The following MARCHF1 variants were observed in gnomAD, a reference collection of about 807,000 sequenced individuals.
MARCHF1 encodes the protein membrane associated ring-CH-type finger 1, also known as E3 ubiquitin-protein ligase MARCHF1.
A neutral mutation model predicts 54.2 loss-of-function variants in MARCHF1; 40 were observed. The ratio of observed to expected loss-of-function variants is 0.74; its 90% CI spans 0.57 to 0.96. The LOEUF (loss-of-function observed/expected upper bound fraction) is 0.96, where lower values mean the gene tolerates loss of function less well. Among genes scored for constraint, MARCHF1 ranks in the 40% least tolerant of loss-of-function variants. The pLI, the probability that MARCHF1 is intolerant of heterozygous loss-of-function variation, is 0.00. For missense variants in MARCHF1, 586 were observed against 656.5 expected, an observed-to-expected ratio of 0.89 and a Z score of 1.17; for synonymous variants, 236 against 236.3, an observed-to-expected ratio of 1.00 and a Z score of 0.01.
At chr4:163,761,931 GTC>G (rs1429763288) in intron 4 of MARCHF1, among the ~76,000 whole-genome samples, 1 of 152,082 alleles carries the variant, frequency 6.6e-6, no homozygotes, top group Admixed American at 6.5e-5. Context: ...AAGCCTTTAT[GTC>G]TCTCATTTAT....
At chr4:163,664,924 A>C (rs576598669) in intron 5 of MARCHF1, among the ~76,000 whole-genome samples, 1 of 152,176 alleles carries the variant, frequency 6.6e-6, no homozygotes, top group East Asian at 1.9e-4. Flanking sequence ...AGAAAAATTA[A>C]TATAATAAAA....
chr4:163,981,707 A>T (rs969933172), intron 3 of MARCHF1, among the ~76,000 whole-genome samples: 11 of 152,224 alleles, frequency 7.2e-5, no homozygotes, highest in African/African-American at 2.7e-4. Context: ...CCTTTGTGCT[A>T]CAAAGAATTG....
intron 1 of MARCHF1, among the ~76,000 whole-genome samples, chr4:164,369,777 G>GT (rs1561022543): frequency 6.6e-6 from 1 of 152,064 alleles, no homozygotes; most frequent in African/African-American, 2.4e-5. Flanking sequence ...CTTTCAAAAA[G>GT]TAAGTTCTAA....
intron 1 of MARCHF1, among the ~76,000 whole-genome samples, chr4:164,351,309 G>A (rs1249953368): frequency 2.0e-5 from 3 of 151,140 alleles, no homozygotes; most frequent in Non-Finnish European, 3.0e-5. Context: ...TCTGGGGGCA[G>A]GGCACAGTCA....
intron 5 of MARCHF1, among the ~76,000 whole-genome samples, chr4:163,696,208 G>A (rs556622881): frequency 6.6e-5 from 10 of 152,154 alleles, no homozygotes; most frequent in African/African-American, 2.4e-4. Flanking sequence ...AAGTATAATT[G>A]CTGTTGAATA....
At chr4:164,264,169 AATGATATC>A (rs1173695228) in intron 1 of MARCHF1, among the ~76,000 whole-genome samples, 1 of 152,246 alleles carries the variant, frequency 6.6e-6, no homozygotes, top group African/African-American at 2.4e-5. Flanking sequence ...GCCATTAAAA[AATGATATC>A]ATGTCTTTTG....
chr4:163,901,996 AT>A (rs1227187822), intron 3 of MARCHF1, among the ~76,000 whole-genome samples: 4 of 152,208 alleles, frequency 2.6e-5, no homozygotes, highest in Admixed American at 2.6e-4. Flanking sequence ...TAACTGCTGG[AT>A]GAACAAGAAA....
intron 4 of MARCHF1, among the ~76,000 whole-genome samples, chr4:163,716,478 C>A (rs1021050495): frequency 2.6e-5 from 4 of 152,170 alleles, no homozygotes; most frequent in African/African-American, 9.7e-5. Flanking sequence ...TCGACAAATT[C>A]ATTATTCCTA....
intron 2 of MARCHF1, among the ~76,000 whole-genome samples, chr4:164,100,980 T>C (rs998410310): frequency 1.3e-5 from 2 of 152,202 alleles, no homozygotes; most frequent in Non-Finnish European, 2.9e-5. Context: ...TTTCCCTTTC[T>C]GAGTCAAAGA....
chr4:164,214,312 A>C (rs1247273152), intron 1 of MARCHF1, among the ~76,000 whole-genome samples: 2 of 152,198 alleles, frequency 1.3e-5, no homozygotes, highest in African/African-American at 4.8e-5. Context: ...TTTGTTATAT[A>C]AATTCCTAAC....
intron 3 of MARCHF1, among the ~76,000 whole-genome samples, chr4:163,922,664 A>G (rs1751457042): frequency 6.6e-6 from 1 of 152,196 alleles, no homozygotes; most frequent in Admixed American, 6.5e-5. Context: ...AAATGTGTCT[A>G]TCTAATGTAT....
At chr4:164,052,363 C>G (rs1754390803) in intron 2 of MARCHF1, among the ~76,000 whole-genome samples, 1 of 151,976 alleles carries the variant, frequency 6.6e-6, no homozygotes, top group Admixed American at 6.6e-5. Context: ...AAAGCCACAT[C>G]TTTACTAAAA....
intron 1 of MARCHF1, among the ~76,000 whole-genome samples, chr4:164,193,037 T>G (rs1462844783): frequency 6.6e-6 from 1 of 152,176 alleles, no homozygotes; most frequent in African/African-American, 2.4e-5. Flanking sequence ...AGCTAAATTC[T>G]TACTCAGCTC....
chr4:164,335,498 C>T (rs898622253), intron 1 of MARCHF1, among the ~76,000 whole-genome samples: 1 of 151,130 alleles, frequency 6.6e-6, no homozygotes, highest in Non-Finnish European at 1.5e-5. Flanking sequence ...AGGAGAATGG[C>T]GTGAACCCGG....
At chr4:164,281,813 T>TCA (rs1337524436) in intron 1 of MARCHF1, among the ~76,000 whole-genome samples, 1 of 152,172 alleles carries the variant, frequency 6.6e-6, no homozygotes, top group Non-Finnish European at 1.5e-5. Context: ...AGGCTGCACA[T>TCA]CACACACACC....
chr4:163,768,644 G>A (rs1335412210), intron 4 of MARCHF1, among the ~76,000 whole-genome samples: 2 of 152,104 alleles, frequency 1.3e-5, no homozygotes, highest in Admixed American at 6.5e-5. Flanking sequence ...TTTTGCAAGA[G>A]CTTGAATATA....
intron 1 of MARCHF1, among the ~76,000 whole-genome samples, chr4:164,121,821 G>T (rs552042354): frequency 1.3e-5 from 2 of 152,014 alleles, no homozygotes; most frequent in Non-Finnish European, 2.9e-5. Context: ...GAGAAGGAGA[G>T]ATTACTTCCA....
rs143332415 is a variant in MARCHF1 at position 163,901,275 on chromosome 4, T to G, written c.-38-47106A>C. On this transcript the variant is annotated intron_variant, in intron 3 of 9. Coordinates refer to ENST00000514618, the MANE Select transcript of MARCHF1 (RefSeq NM_001394959.1). ...GAGCTATGACAATGTTTTAATAAAT[T>G]ATGGTAAATATTTAGTACACAGAGG... Among the ~76,000 whole-genome samples the G allele has an allele frequency of 5.3e-5, 8 of 152,298 alleles. 1 individual carries two copies. In the East Asian group the frequency reaches 1.5e-3, roughly 29 times the overall value.
intron 8 of MARCHF1, among the ~76,000 whole-genome samples, chr4:163,559,607 T>C (rs1236029113): frequency 2.0e-5 from 3 of 152,236 alleles, no homozygotes; most frequent in Non-Finnish European, 4.4e-5. Flanking sequence ...CACCACTGGA[T>C]TTGAGTCACC....
Sources: gnomAD v4.1 joint callset for allele counts (sites outside exome capture counted in the v4.1 genomes callset) on GRCh38, gnomAD v4.1.1 for gene constraint, MANE v1.5 for transcripts, NCBI Gene and HGNC (gene_info 2026-07-23, HGNC 2026-07-21) for gene names.